Variants in EVI5 observed in about 807,000 individuals in gnomAD.
The protein encoded by EVI5 is ecotropic viral integration site 5 protein homolog.
In EVI5, 73 loss-of-function variants were observed where a neutral mutation model predicts 112.0. The ratio of observed to expected loss-of-function variants is 0.65; its 90% CI spans 0.54 to 0.79. EVI5 has a LOEUF of 0.79. Ranked by LOEUF, EVI5 falls within the 30% of genes least tolerant of loss-of-function variation. The pLI is 0.00. For missense variants in EVI5, 900 were observed against 968.8 expected (o/e 0.93, Z 0.94); for synonymous variants, 305 against 319.9 (o/e 0.95, Z 0.50).
chr1:92,732,253 T>A (rs1038513031), intron 2 of EVI5: 5 of 330,684 alleles, frequency 1.5e-5, no homozygotes, highest in Non-Finnish European at 2.9e-5. Flanking sequence ...ACTGTGAGAA[T>A]AATTTTTGCC....
chr1:92,747,747 G>A (rs1258924686), intron 1 of EVI5, among the ~76,000 whole-genome samples: 196 of 117,466 alleles, frequency 1.7e-3, no homozygotes, highest in African/African-American at 4.8e-3. Flanking sequence ...AAACCACCCA[G>A]AAATGTATTG....
intron 16 of EVI5, among the ~76,000 whole-genome samples, chr1:92,616,766 C>T (rs538304822): frequency 6.6e-6 from 1 of 152,196 alleles, no homozygotes; most frequent in South Asian, 2.1e-4. Flanking sequence ...GAAACTGAAC[C>T]ATTGTTCATC....
chr1:92,610,247 C>T (rs1651449114), intron 16 of EVI5, among the ~76,000 whole-genome samples: 1 of 152,104 alleles, frequency 6.6e-6, no homozygotes, highest in Non-Finnish European at 1.5e-5. Context: ...CTTCTTAGTG[C>T]CGTATTCAAA....
chr1:92,561,601 A>ATCTAATGT (rs757233659), intron 19 of EVI5, among the ~76,000 whole-genome samples: 1 of 128,340 alleles, frequency 7.8e-6, no homozygotes, highest in Non-Finnish European at 1.7e-5. Flanking sequence ...CTATCTATCT[A>ATCTAATGT]ATCTATCCTA....
At chr1:92,592,597 T>C (rs1400146712) in intron 18 of EVI5, among the ~76,000 whole-genome samples, 2 of 151,974 alleles carry the variant, frequency 1.3e-5, no homozygotes, top group Admixed American at 6.6e-5. Flanking sequence ...AATAGAAACA[T>C]TAAAAGCCCT....
At chr1:92,548,875 T>C (rs1666280708) in intron 19 of EVI5, among the ~76,000 whole-genome samples, 1 of 152,362 alleles carries the variant, frequency 6.6e-6, no homozygotes, top group South Asian at 2.1e-4. Flanking sequence ...GAACATTCCA[T>C]GCTCATGGAT....
chr1:92,626,372 A>T (rs1437389434), intron 14 of EVI5, among the ~76,000 whole-genome samples: 1 of 152,086 alleles, frequency 6.6e-6, no homozygotes, highest in Non-Finnish European at 1.5e-5. Flanking sequence ...TCTTTTTTTT[A>T]TGCCAAATGA....
intron 19 of EVI5, among the ~76,000 whole-genome samples, chr1:92,549,917 T>C (rs1261001401): frequency 6.6e-6 from 1 of 152,118 alleles, no homozygotes; most frequent in African/African-American, 2.4e-5. Flanking sequence ...TAAACTAGTT[T>C]AACCATTGTG....
At chr1:92,663,576 A>C (rs1169236251) in intron 11 of EVI5, 124 bp from the exon 12 acceptor site, 3 of 438,310 alleles carry the variant, frequency 6.8e-6, no homozygotes, top group Non-Finnish European at 8.0e-6. Context: ...ATGGACATTT[A>C]AAGTTTAAAA....
In EVI5 at chr1:92,512,450, T is replaced by A. The variant is rs199913232; in HGVS notation, c.*1206A>T. 6.6e-6 allele frequency: 1 copy of A among 152,262 alleles called. No homozygotes were observed. Among genetic ancestry groups the A allele is most frequent in the Non-Finnish European group, 1.5e-5 (1 of 68,038 alleles). 9.4% of individuals were successfully genotyped at this position (152,262 alleles called of 1,614,324 possible). On this transcript the variant is annotated 3_prime_UTR_variant, in exon 20 of 20. Coordinates refer to ENST00000684568, the MANE Select transcript of EVI5 (RefSeq NM_001350197.2). The stretch of plus-strand genomic sequence containing the variant: ...TTATGAATCTGCTAGTATTGAATGC[T>A]AAGCAAAATACTAAAGCTCTTAAAA...
intron 1 of EVI5, among the ~76,000 whole-genome samples, chr1:92,753,508 CAATA>C (rs1455644827): frequency 6.6e-6 from 1 of 152,096 alleles, no homozygotes; most frequent in Non-Finnish European, 1.5e-5. Context: ...AACATTATTT[CAATA>C]GATAAGGAAT....
At chr1:92,556,832 G>A (rs375795673) in intron 19 of EVI5, among the ~76,000 whole-genome samples, 19 of 150,730 alleles carry the variant, frequency 1.3e-4, no homozygotes, top group African/African-American at 4.6e-4. Flanking sequence ...TTTTTTTAGA[G>A]TTAGGGTCTC....
At position 92,513,896 on chromosome 1, in the gene EVI5, T is replaced by C; in HGVS notation, c.2241A>G (p.Leu747=). Residue 747 remains leucine, a synonymous_variant, in exon 20 of 20, where the codon TTA becomes TTG. Transcript: ENST00000684568. ...PFDGIHIVNH[L]IGDDESFHSS... ...AATGGAATGATTCATCATCTCCTAT[T>C]AAATGGTTGACAATGTGGATTCCAT... 3 of 1,610,106 alleles carry C rather than the reference T, an allele frequency of 1.9e-6. 1 individual carries two copies. In the South Asian group the frequency reaches 3.3e-5, roughly 18 times the overall value.
intron 18 of EVI5, among the ~76,000 whole-genome samples, chr1:92,572,639 G>A (rs1485844078): frequency 6.6e-6 from 1 of 152,124 alleles, no homozygotes; most frequent in South Asian, 2.1e-4. Flanking sequence ...CCATTATGTA[G>A]TGGTGATAGG....
intron 2 of EVI5, among the ~76,000 whole-genome samples, chr1:92,716,778 T>G (rs1438143689): frequency 1.0e-4 from 15 of 150,532 alleles, no homozygotes; most frequent in Non-Finnish European, 7.4e-5. Flanking sequence ...AGACCTTAAA[T>G]GACTTGATGG....
intron 1 of EVI5, among the ~76,000 whole-genome samples, chr1:92,739,812 T>G (rs1678075671): frequency 6.6e-6 from 1 of 152,092 alleles, no homozygotes; most frequent in Non-Finnish European, 1.5e-5. Context: ...AATTACTTCC[T>G]GAATCATACT....
intron 2 of EVI5, among the ~76,000 whole-genome samples, chr1:92,734,752 GAA>G (rs1454007826): frequency 6.6e-6 from 1 of 152,146 alleles, no homozygotes; most frequent in Non-Finnish European, 1.5e-5. Flanking sequence ...GGAAGAATTT[GAA>G]AGTCATGTGC....
chr1:92,764,462 T>C (rs143963396), intron 1 of EVI5, among the ~76,000 whole-genome samples: 131 of 152,320 alleles, frequency 8.6e-4, no homozygotes, highest in African/African-American at 3.1e-3. Flanking sequence ...GACAGAACAC[T>C]TAAACTTCCT....
chr1:92,733,691 C>T (rs761617459), intron 2 of EVI5, among the ~76,000 whole-genome samples: 26 of 151,996 alleles, frequency 1.7e-4, no homozygotes, highest in East Asian at 3.9e-4. Flanking sequence ...GGATTACAGG[C>T]GTGAGACACA....
Sources: allele counts gnomAD v4.1 joint callset (sites outside exome capture counted in the v4.1 genomes callset), GRCh38; gene constraint gnomAD v4.1.1; transcripts MANE v1.5; gene names NCBI Gene and HGNC (gene_info 2026-07-23, HGNC 2026-07-21).